PPP2R3A: variants seen among roughly 807,000 people sequenced by gnomAD.
PPP2R3A encodes the protein protein phosphatase 2 regulatory subunit B''alpha, also known as serine/threonine-protein phosphatase 2A regulatory subunit B'' subunit alpha.
Under a neutral mutation model 106.9 loss-of-function variants are expected in PPP2R3A, and 80 were observed. The observed-to-expected ratio is 0.75, with a 90% CI of 0.62 to 0.90. PPP2R3A has a LOEUF of 0.90. Among genes scored for constraint, PPP2R3A ranks in the 40% least tolerant of loss-of-function variants. The pLI is 0.00. For synonymous variants in PPP2R3A, 483 were observed against 468.3 expected (o/e 1.03, Z -0.41); for missense variants, 1,386 against 1,350.4 (o/e 1.03, Z -0.41).
In PPP2R3A at chr3:135,966,354, T is replaced by G. The variant is rs568569161; in HGVS notation, c.-441+505T>G. 5.3e-5 allele frequency among the ~76,000 whole-genome samples: 8 copies of G among 152,236 alleles called. No homozygotes were observed. The South Asian group carries it at 1.7e-3, about 32-fold the overall frequency. The stretch of plus-strand genomic sequence containing the variant: ...TCGGCCCGACTTGGCCAAAGAAGGA[T>G]GTGTCACCAGCTCCGGGCCGCGGAC... On this transcript the variant is annotated intron_variant, in intron 1 of 13. Transcript: ENST00000264977.
At chr3:135,974,054 G>T (rs1348921121) in intron 1 of PPP2R3A, among the ~76,000 whole-genome samples, 1 of 152,110 alleles carries the variant, frequency 6.6e-6, no homozygotes, top group Non-Finnish European at 1.5e-5. Flanking sequence ...CCTCTTACTT[G>T]ACCTTTCAGC....
At chr3:136,089,238 C>T (rs914485517) in intron 9 of PPP2R3A, among the ~76,000 whole-genome samples, 4 of 152,046 alleles carry the variant, frequency 2.6e-5, no homozygotes, top group African/African-American at 9.7e-5. Flanking sequence ...AGTCTTTAAT[C>T]CATTGTGAAT....
rs776884129 is a variant in PPP2R3A, at chr3:136,003,444, A to G, written c.1946A>G (p.Lys649Arg). The G allele has an allele frequency of 3.1e-6, 5 of 1,613,504 alleles. No individual in the cohort carries two copies. The Admixed American group carries it at 6.7e-5, about 22-fold the overall frequency. Reference sequence around the variant, plus strand: ...AGAAGTCCTGTTGGTGATAAAGCCAAAGATACTACTTCAGCAGTTTTGATT... The same window carrying G: ...AGAAGTCCTGTTGGTGATAAAGCCAGAGATACTACTTCAGCAGTTTTGATT... ...VCRSPVGDKAKDTTSAVLIQQ... is the reference protein window; with the variant it reads ...VCRSPVGDKARDTTSAVLIQQ... Residue 649 changes from lysine (K) to arginine (R), a missense_variant, in exon 2 of 14, where the codon AAA becomes AGA. By Grantham distance (26) the Lys-to-Arg change is conservative (BLOSUM62 2). Transcript: ENST00000264977.
chr3:136,107,116 C>T (rs1043913325), intron 13 of PPP2R3A, among the ~76,000 whole-genome samples: 7 of 151,988 alleles, frequency 4.6e-5, no homozygotes, highest in African/African-American at 1.7e-4. Flanking sequence ...GAATTTGACT[C>T]CTTGGATCAC....
At chr3:136,054,174 TC>T (rs764116813) in intron 5 of PPP2R3A, among the ~76,000 whole-genome samples, 18 of 151,690 alleles carry the variant, frequency 1.2e-4, no homozygotes, top group Non-Finnish European at 2.1e-4. Flanking sequence ...ATTATATAAT[TC>T]CCCCTACACA....
At chr3:136,083,902 G>C (rs1936855684) in intron 8 of PPP2R3A, among the ~76,000 whole-genome samples, 1 of 152,222 alleles carries the variant, frequency 6.6e-6, no homozygotes, top group Non-Finnish European at 1.5e-5. Context: ...ACTTGAAAGA[G>C]ATGATTTGGG....
chr3:135,998,728 G>A (rs149431008), intron 1 of PPP2R3A, among the ~76,000 whole-genome samples: 1 of 152,142 alleles, frequency 6.6e-6, no homozygotes, highest in African/African-American at 2.4e-5. Flanking sequence ...TAACCTAAAT[G>A]TTCAGCAATA....
intron 13 of PPP2R3A, among the ~76,000 whole-genome samples, chr3:136,124,357 C>T (rs914440945): frequency 6.6e-6 from 1 of 152,032 alleles, no homozygotes; most frequent in African/African-American, 2.4e-5. Context: ...ATGGCATACA[C>T]CTATAGTTCT....
intron 12 of PPP2R3A, among the ~76,000 whole-genome samples, chr3:136,104,400 G>A (rs539115864): frequency 1.3e-5 from 2 of 151,724 alleles, no homozygotes; most frequent in Admixed American, 6.6e-5. Flanking sequence ...TCCGCCTCCC[G>A]GGTTCAAGTG....
At chr3:136,025,756 A>G (rs932028817) in intron 2 of PPP2R3A, among the ~76,000 whole-genome samples, 1 of 152,112 alleles carries the variant, frequency 6.6e-6, no homozygotes, top group Non-Finnish European at 1.5e-5. Flanking sequence ...TACCTATACA[A>G]TGTATTTAGC....
chr3:136,013,018 C>T (rs1453479938), intron 2 of PPP2R3A, among the ~76,000 whole-genome samples: 1 of 152,178 alleles, frequency 6.6e-6, no homozygotes, highest in Non-Finnish European at 1.5e-5. Context: ...CATAGCTTAG[C>T]TCTAGCTTAT....
chr3:136,089,635 C>G (rs1021909893), intron 9 of PPP2R3A, among the ~76,000 whole-genome samples: 7 of 146,862 alleles, frequency 4.8e-5, no homozygotes, highest in Non-Finnish European at 9.0e-5. Context: ...AAAAACTAGT[C>G]TGTGAAAAAC....
chr3:136,066,691 T>C (rs1276703065), intron 5 of PPP2R3A, among the ~76,000 whole-genome samples: 1 of 151,584 alleles, frequency 6.6e-6, no homozygotes, highest in East Asian at 1.9e-4. Flanking sequence ...GGGGAGTTGC[T>C]GCACACTTTT....
intron 6 of PPP2R3A, among the ~76,000 whole-genome samples, chr3:136,071,078 G>A (rs1351008573): frequency 6.6e-6 from 1 of 152,234 alleles, no homozygotes; most frequent in Non-Finnish European, 1.5e-5. Context: ...GTTAGGTCAG[G>A]AATTATAAGT....
chr3:136,138,417 G>A (rs1305177129), intron 13 of PPP2R3A, among the ~76,000 whole-genome samples: 1 of 152,176 alleles, frequency 6.6e-6, no homozygotes, highest in Non-Finnish European at 1.5e-5. Context: ...AACTGCAAGA[G>A]TTCCTTTAAC....
rs556549799 is a variant in PPP2R3A at position 135,977,931 on chromosome 3, C to T, written c.-441+12082C>T. On this transcript the variant is annotated intron_variant, in intron 1 of 13. Transcript: ENST00000264977. ...CCCAGGCTGGTCTTGAACTCCTAAG[C>T]TAAAAGCTATCCGCCTGCCTCAGCC... is the stretch of plus-strand genomic sequence containing the variant. Among the ~76,000 whole-genome samples, 11 of 151,934 alleles carry T rather than the reference C, an allele frequency of 7.2e-5. No individual in the cohort carries two copies. In the East Asian group the frequency reaches 1.7e-3, roughly 24 times the overall value.
intron 5 of PPP2R3A, among the ~76,000 whole-genome samples, chr3:136,060,207 A>T (rs1936028750): frequency 6.6e-6 from 1 of 152,246 alleles, no homozygotes; most frequent in South Asian, 2.1e-4. Flanking sequence ...AAACTCTGTT[A>T]TTTGCAGCAA....
intron 1 of PPP2R3A, among the ~76,000 whole-genome samples, chr3:135,985,135 A>G (rs1487086914): frequency 6.6e-6 from 1 of 152,090 alleles, no homozygotes; most frequent in Non-Finnish European, 1.5e-5. Flanking sequence ...TAAATTACCC[A>G]GTCTCAGGTA....
intron 4 of PPP2R3A, 140 bp downstream of exon 4, chr3:136,041,102 A>G (rs1270706957): frequency 1.6e-6 from 1 of 617,232 alleles, no homozygotes; most frequent in Non-Finnish European, 2.7e-6. Context: ...TCAATGATTT[A>G]CAACCATTTA....
Sources: gnomAD v4.1 joint callset for allele counts (sites outside exome capture counted in the v4.1 genomes callset) on GRCh38, gnomAD v4.1.1 for gene constraint, MANE v1.5 for transcripts, NCBI Gene and HGNC (gene_info 2026-07-23, HGNC 2026-07-21) for gene names.